The following MROH7 variants were observed in gnomAD, a reference collection of about 807,000 sequenced individuals.
MROH7 encodes the protein maestro heat-like repeat-containing protein family member 7.
Under a neutral mutation model 129.2 loss-of-function variants are expected in MROH7, and 113 were observed. The observed-to-expected ratio is 0.87, with a 90% confidence interval of 0.75 to 1.02. The LOEUF is 1.02. Ranked by LOEUF, MROH7 falls within the 50% of genes least tolerant of loss-of-function variation. The pLI is 0.00. For missense variants in MROH7, 1,601 were observed against 1,671.3 expected (o/e 0.96, Z 0.73); for synonymous variants, 655 against 667.9 (o/e 0.98, Z 0.30).
At chr1:54,684,218 G>A (rs1041324729) in intron 14 of MROH7, among the ~76,000 whole-genome samples, 1 of 152,220 alleles carries the variant, frequency 6.6e-6, no homozygotes, top group Non-Finnish European at 1.5e-5. Context: ...GAAGGAGAGG[G>A]TAGTATTATC....
chr1:54,663,690 A>C (rs1644767301), intron 3 of MROH7: 4 of 395,726 alleles, frequency 1.0e-5, no homozygotes, highest in South Asian at 7.1e-5. Flanking sequence ...AGCTCTAAAA[A>C]AAAAAAAAAA....
In MROH7 at chr1:54,644,206, C is replaced by T. The variant is rs1413840520; in HGVS notation, c.-110+2238C>T. Among the ~76,000 whole-genome samples the T allele has an allele frequency of 2.0e-5, 3 of 148,650 alleles. No individual in the cohort carries two copies. In the East Asian group the frequency reaches 6.0e-4, roughly 29 times the overall value. On this transcript the variant is annotated intron_variant, in intron 1 of 23. Transcript: ENST00000421030. ...ATATAAACATTATTTTGTTATTGTTCCACAGATTCCTGAGGTTCTGGTTTT... is the reference window on the plus strand; with the variant it reads ...ATATAAACATTATTTTGTTATTGTTTCACAGATTCCTGAGGTTCTGGTTTT...
chr1:54,667,509 G>C (rs372734887), intron 4 of MROH7, among the ~76,000 whole-genome samples: 25 of 151,910 alleles, frequency 1.6e-4, no homozygotes, highest in African/African-American at 6.0e-4. Flanking sequence ...AGGCTGGAGT[G>C]CAATGGTGTG....
chr1:54,660,633 G>A (rs1644717568), intron 3 of MROH7, among the ~76,000 whole-genome samples: 1 of 152,104 alleles, frequency 6.6e-6, no homozygotes, highest in Admixed American at 6.6e-5. Context: ...GACCAACATG[G>A]AGAAACCCCA....
At position 54,709,039 on chromosome 1, in the gene MROH7, C is replaced by T; in HGVS notation, c.3693C>T (p.Ser1231=). Residue 1231 remains serine, a synonymous_variant, in exon 23 of 24, where the codon AGC becomes AGT. Transcript: ENST00000421030. Reference sequence around the variant, plus strand: ...GGTCCCTGGTCCCCTGCATGGAGAGCATAATGACAGAAGATCGTCTGAATG... The same window carrying T: ...GGTCCCTGGTCCCCTGCATGGAGAGTATAATGACAGAAGATCGTCTGAATG... The part of the protein sequence containing the change: ...FIGSLVPCME[S]IMTEDRLNEV... 8 of 1,614,154 alleles carry T rather than the reference C, an allele frequency of 5.0e-6. No homozygotes were observed. Among genetic ancestry groups the T allele is most frequent in the Non-Finnish European group, 6.8e-6 (8 of 1,180,020 alleles).
intron 15 of MROH7, among the ~76,000 whole-genome samples, chr1:54,691,180 G>A (rs1645232283): frequency 6.6e-6 from 1 of 152,182 alleles, no homozygotes. Context: ...GAATGCTAGA[G>A]GCATTGCCAG....
In MROH7 at chr1:54,670,512, G is replaced by T. The variant is rs756969052; in HGVS notation, c.1405G>T (p.Glu469Ter). The stretch of plus-strand genomic sequence containing the variant: ...CCCTGTCCAGAGGCAGATCCAGGAG[G>T]AGCCACTGGATTCTCTCTCAAGCTC... ...IKKIMRQIQE[E>*]PLDSLSSSVR... The change falls in exon 6 of 24, where the codon GAG becomes TAG. Residue 469 changes from glutamate (E) to a stop codon, truncating the protein, a stop_gained. Coordinates refer to ENST00000421030, the MANE Select transcript of MROH7 (RefSeq NM_001039464.4). LOFTEE classifies it high-confidence loss of function. The T allele has an allele frequency of 1.2e-6, 2 of 1,613,722 alleles. No individual in the cohort carries two copies. The highest frequency in any genetic ancestry group is 2.7e-5 in the African/African-American group (2 of 74,890).
At chr1:54,649,559 T>TTGAG (rs1298025210) in intron 1 of MROH7, among the ~76,000 whole-genome samples, 1 of 152,204 alleles carries the variant, frequency 6.6e-6, no homozygotes, top group Non-Finnish European at 1.5e-5. Flanking sequence ...TCAGCTGGGG[T>TTGAG]TGAGATCTGT....
At chr1:54,649,838 A>T (rs1174083903) in intron 1 of MROH7, among the ~76,000 whole-genome samples, 1 of 152,248 alleles carries the variant, frequency 6.6e-6, no homozygotes, top group African/African-American at 2.4e-5. Flanking sequence ...TATGGACATG[A>T]AATTAAGTAC....
chr1:54,690,717 A>G (rs1175713001), intron 15 of MROH7, among the ~76,000 whole-genome samples: 1 of 152,190 alleles, frequency 6.6e-6, no homozygotes, highest in South Asian at 2.1e-4. Context: ...TGCTGGGATT[A>G]CAGGCGTGAG....
intron 18 of MROH7, among the ~76,000 whole-genome samples, chr1:54,700,702 G>A (rs1645421560): frequency 6.6e-6 from 1 of 152,218 alleles, no homozygotes; most frequent in South Asian, 2.1e-4. Flanking sequence ...TATAGGAAGG[G>A]CAAAGGGTGG....
chr1:54,651,893 AAGTG>A (rs2101063811), intron 1 of MROH7, 52 bp from the exon 2 acceptor site: 1 of 148,364 alleles, frequency 6.7e-6, no homozygotes, highest in Admixed American at 6.8e-5. Flanking sequence ...ACTGTGCAGT[AAGTG>A]TTGAAAAAGG....
At chr1:54,697,554 G>A (rs1237051188) in intron 17 of MROH7, 1 of 607,176 alleles carries the variant, frequency 1.6e-6, no homozygotes, top group Non-Finnish European at 3.0e-6. Flanking sequence ...TGACCATGGT[G>A]AGGGAAAGAG....
At chr1:54,690,818 G>T (rs573642856) in intron 15 of MROH7, among the ~76,000 whole-genome samples, 1 of 152,182 alleles carries the variant, frequency 6.6e-6, no homozygotes. Flanking sequence ...CCAAGCCATG[G>T]CTATCTGGAA....
At chr1:54,699,173 T>TTC (rs1318138035) in intron 17 of MROH7, 2 of 120,118 alleles carry the variant, frequency 1.7e-5, no homozygotes, top group African/African-American at 6.0e-5. Flanking sequence ...CTTTCTTTCT[T>TTC]TCTTTCTTTC....
At chr1:54,685,726 T>A (rs1423098698) in intron 14 of MROH7, among the ~76,000 whole-genome samples, 1 of 152,056 alleles carries the variant, frequency 6.6e-6, no homozygotes, top group Non-Finnish European at 1.5e-5. Flanking sequence ...GCTGGCCTCA[T>A]GGGGATGGGA....
At position 54,703,069 on chromosome 1, in the gene MROH7, C is replaced by A. The variant is rs1645465453; in HGVS notation, c.3564+324C>A. On this transcript the variant is annotated intron_variant, in intron 21 of 23. Coordinates refer to ENST00000421030, the MANE Select transcript of MROH7 (RefSeq NM_001039464.4). The surrounding 1 kb of genome is among the most constrained non-coding windows in gnomAD (Gnocchi z 4.4). ...AGAAACCTAGAATCCTCTTGGGCTCCTTCATCTCCCTCACCCTCCACATTT... is the reference window on the plus strand; with the variant it reads ...AGAAACCTAGAATCCTCTTGGGCTCATTCATCTCCCTCACCCTCCACATTT... Among the ~76,000 whole-genome samples the A allele has an allele frequency of 6.6e-6, 1 of 152,098 alleles. No homozygotes were observed. Among genetic ancestry groups the A allele is most frequent in the African/African-American group, 2.4e-5 (1 of 41,420 alleles).
Position 54,652,950 on chromosome 1 carries a change from C to T in MROH7, c.24C>T (p.Asn8=), listed in dbSNP as rs375406945. Residue 8 remains asparagine (N), a synonymous_variant, in exon 3 of 24, where the codon AAC becomes AAT. Transcript: ENST00000421030. MALSPGA[N]LVFHEDPKMT... ...ACATGGCCCTGAGTCCAGGGGCTAA[C>T]CTGGTCTTCCATGAAGACCCAAAGA... 5 of 1,606,080 alleles carry T rather than the reference C, an allele frequency of 3.1e-6. No individual in the cohort carries two copies. Among genetic ancestry groups the T allele is most frequent in the Non-Finnish European group, 4.3e-6 (5 of 1,176,356 alleles).
intron 17 of MROH7, chr1:54,697,547 C>A: frequency 1.7e-6 from 1 of 601,400 alleles, no homozygotes; most frequent in African/African-American, 1.8e-5. Flanking sequence ...ATTTCCCTGA[C>A]CATGGTGAGG....
Sources: allele counts gnomAD v4.1 joint callset (sites outside exome capture counted in the v4.1 genomes callset), GRCh38; gene constraint gnomAD v4.1.1; non-coding constraint Gnocchi (gnomAD v3.1); transcripts MANE v1.5; gene names NCBI Gene and HGNC (gene_info 2026-07-23, HGNC 2026-07-21).